The following SLC35F3 variants were observed in gnomAD, a reference collection of about 807,000 sequenced individuals.
SLC35F3 encodes the protein solute carrier family 35 member F3.
In SLC35F3, 25 loss-of-function variants were observed where a neutral mutation model predicts 49.9. That is an observed-to-expected ratio of 0.50 (90% CI 0.37 to 0.70). The LOEUF is 0.70. SLC35F3 is among the 30% of genes least tolerant of loss of function. SLC35F3 has a pLI of 0.00. For missense variants in SLC35F3, 525 were observed against 639.8 expected, an observed-to-expected ratio of 0.82 and a Z score of 1.94; for synonymous variants, 275 against 265.4, an observed-to-expected ratio of 1.04 and a Z score of -0.35.
chr1:233,918,581 A>G (rs1358650334), intron 2 of SLC35F3, among the ~76,000 whole-genome samples: 1 of 152,178 alleles, frequency 6.6e-6, no homozygotes, highest in Non-Finnish European at 1.5e-5. Context: ...CAGCCTGGCC[A>G]ATGTGGCAAA....
intron 2 of SLC35F3, among the ~76,000 whole-genome samples, chr1:233,959,410 G>A (rs1476136213): frequency 6.6e-6 from 1 of 152,100 alleles, no homozygotes; most frequent in Non-Finnish European, 1.5e-5. Flanking sequence ...CTCCCCAATG[G>A]CCTTTTCATT....
At chr1:234,047,822 A>G (rs1201878576) in intron 2 of SLC35F3, among the ~76,000 whole-genome samples, 1 of 152,146 alleles carries the variant, frequency 6.6e-6, no homozygotes, top group South Asian at 2.1e-4. Flanking sequence ...CTGTGAAGGG[A>G]CTGTTGATAG....
At chr1:234,213,567 C>G (rs886137231) in intron 2 of SLC35F3, 4 of 152,260 alleles carry the variant, frequency 2.6e-5, no homozygotes, top group Admixed American at 2.6e-4. Flanking sequence ...TATGTCATAG[C>G]TTTTTAATGA....
intron 3 of SLC35F3, among the ~76,000 whole-genome samples, chr1:234,307,388 C>T (rs533592447): frequency 5.8e-4 from 88 of 152,308 alleles, no homozygotes; most frequent in African/African-American, 2.0e-3. Context: ...TGTGTTTCTC[C>T]TCTCTCAATA....
At chr1:234,158,527 T>G (rs1464767363) in intron 2 of SLC35F3, among the ~76,000 whole-genome samples, 6 of 152,228 alleles carry the variant, frequency 3.9e-5, no homozygotes, top group Non-Finnish European at 5.9e-5. Context: ...ATATCATTTT[T>G]CATCACTGTC....
intron 2 of SLC35F3, among the ~76,000 whole-genome samples, chr1:233,980,409 C>G (rs1261236829): frequency 1.3e-5 from 2 of 152,142 alleles, no homozygotes; most frequent in African/African-American, 4.8e-5. Context: ...GGGACTTGGC[C>G]TTGGTCTCTT....
chr1:234,150,381 TG>T (rs1049275106), intron 2 of SLC35F3, among the ~76,000 whole-genome samples: 8 of 151,228 alleles, frequency 5.3e-5, no homozygotes, highest in African/African-American at 2.0e-4. Context: ...TGTCTTTCTC[TG>T]GGCCTTTTTA....
chr1:234,103,179 A>T (rs1665237518), intron 2 of SLC35F3, among the ~76,000 whole-genome samples: 1 of 152,220 alleles, frequency 6.6e-6, no homozygotes, highest in Non-Finnish European at 1.5e-5. Flanking sequence ...GAGTGTGAGC[A>T]GTGTGTTAAG....
chr1:234,270,922 T>C (rs1353482249), intron 3 of SLC35F3, among the ~76,000 whole-genome samples: 1 of 152,218 alleles, frequency 6.6e-6, no homozygotes, highest in Non-Finnish European at 1.5e-5. Context: ...AGGTTTAGTG[T>C]TGACCAGTGC....
chr1:234,302,141 C>T (rs1668702313), intron 3 of SLC35F3, among the ~76,000 whole-genome samples: 1 of 151,578 alleles, frequency 6.6e-6, no homozygotes, highest in Admixed American at 6.6e-5. Context: ...ACATTCTGCA[C>T]ATGTATCCTG....
At chr1:234,259,693 A>G (rs1667873679) in intron 3 of SLC35F3, among the ~76,000 whole-genome samples, 1 of 151,468 alleles carries the variant, frequency 6.6e-6, no homozygotes, top group African/African-American at 2.4e-5. Context: ...TAATGATAAT[A>G]ATAATAATAA....
chr1:234,037,041 T>C (rs1032206431), intron 2 of SLC35F3, among the ~76,000 whole-genome samples: 6 of 152,234 alleles, frequency 3.9e-5, no homozygotes, highest in African/African-American at 1.4e-4. Flanking sequence ...TACTCGATGT[T>C]AGATACTATT....
Position 234,323,057 on chromosome 1 carries a change from C to A in SLC35F3, c.1287C>A (p.Ile429=), listed in dbSNP as rs996838560. 6.2e-7 allele frequency: 1 copy of A among 1,614,118 alleles called. No individual in the cohort carries two copies. The highest frequency in any genetic ancestry group is 8.5e-7 in the Non-Finnish European group (1 of 1,180,038). ...SQIVFNGVRV[I]AIIIIGLGFL... The stretch of plus-strand genomic sequence containing the variant: ...TCGTCTTCAATGGGGTCCGGGTCAT[C>A]GCCATCATCATCATCGGCCTGGGTT... The change falls in exon 8 of 8, where the codon ATC becomes ATA. Residue 429 remains isoleucine (I), a synonymous_variant. Transcript: ENST00000366618. The surrounding 1 kb of genome is among the most constrained non-coding windows in gnomAD (Gnocchi z 4.5).
chr1:234,276,793 G>T (rs1242978450), intron 3 of SLC35F3, among the ~76,000 whole-genome samples: 1 of 151,898 alleles, frequency 6.6e-6, no homozygotes, highest in Non-Finnish European at 1.5e-5. Flanking sequence ...AAAATAAAAT[G>T]TCATGCAGAA....
At chr1:234,213,226 A>G (rs1312810333) in intron 2 of SLC35F3, 1 of 152,244 alleles carries the variant, frequency 6.6e-6, no homozygotes, top group Non-Finnish European at 1.5e-5. Context: ...GGGGACTTGA[A>G]TGACATAATA....
chr1:234,140,004 T>TAAAATAAA (rs1194690061), intron 2 of SLC35F3, among the ~76,000 whole-genome samples: 1 of 147,132 alleles, frequency 6.8e-6, no homozygotes, highest in African/African-American at 2.6e-5. Flanking sequence ...TAAAATAAAG[T>TAAAATAAA]AAGTGACTTG....
At chr1:234,000,987 C>T (rs548775081) in intron 2 of SLC35F3, among the ~76,000 whole-genome samples, 53 of 152,304 alleles carry the variant, frequency 3.5e-4, no homozygotes, top group Admixed American at 6.5e-4. Flanking sequence ...GCAAGTCTTA[C>T]GCCAAGAGGC....
intron 3 of SLC35F3, among the ~76,000 whole-genome samples, chr1:234,273,726 C>G (rs911252): frequency 0.38 from 57,706 of 151,916 alleles, 11,121 homozygotes; most frequent in Non-Finnish European, 0.39. Context: ...GGGAAGGAAT[C>G]GGGGGCATCT....
chr1:234,182,554 C>G (rs963965395), intron 2 of SLC35F3, among the ~76,000 whole-genome samples: 3 of 152,298 alleles, frequency 2.0e-5, no homozygotes, highest in African/African-American at 7.2e-5. Flanking sequence ...GTGCATACAT[C>G]TTTGGGTATC....
Sources: allele counts gnomAD v4.1 joint callset (sites outside exome capture counted in the v4.1 genomes callset), GRCh38; gene constraint gnomAD v4.1.1; non-coding constraint Gnocchi (gnomAD v3.1); transcripts MANE v1.5; gene names NCBI Gene and HGNC (gene_info 2026-07-23, HGNC 2026-07-21).